The following INPP4B variants were observed in gnomAD, a reference collection of about 807,000 sequenced individuals.
INPP4B encodes the protein inositol polyphosphate-4-phosphatase type II B.
In INPP4B, 55 loss-of-function variants were observed where a neutral mutation model predicts 122.5. The observed-to-expected ratio is 0.45, with a 90% CI of 0.36 to 0.56. INPP4B has a LOEUF of 0.56. Ranked by LOEUF, INPP4B falls within the 20% of genes least tolerant of loss-of-function variation. The pLI, the probability that INPP4B is intolerant of heterozygous loss-of-function variation, is 0.00. For missense variants in INPP4B, 1,000 were observed against 1,097.7 expected (o/e 0.91, Z 1.26); for synonymous variants, 403 against 388.7 (o/e 1.04, Z -0.43).
intron 2 of INPP4B, among the ~76,000 whole-genome samples, chr4:142,464,591 T>C (rs559585496): frequency 8.1e-5 from 12 of 148,982 alleles, no homozygotes; most frequent in African/African-American, 2.5e-4. Context: ...AGACCCAGAG[T>C]TGCTTTTAAG....
intron 2 of INPP4B, among the ~76,000 whole-genome samples, chr4:142,519,922 T>C (rs1197387018): frequency 1.3e-5 from 2 of 152,098 alleles, no homozygotes; most frequent in Non-Finnish European, 2.9e-5. Context: ...TGTAATAGAA[T>C]TGATTAAAAA....
intron 25 of INPP4B, among the ~76,000 whole-genome samples, chr4:142,071,679 T>C (rs1238895924): frequency 3.2e-4 from 48 of 152,072 alleles, no homozygotes; most frequent in Admixed American, 3.0e-3. Context: ...GGGCAAAGGA[T>C]ATGAACAGAC....
intron 1 of INPP4B, among the ~76,000 whole-genome samples, chr4:142,842,156 T>C (rs946757065): frequency 6.6e-6 from 1 of 151,812 alleles, no homozygotes; most frequent in Non-Finnish European, 1.5e-5. Flanking sequence ...TTTAAACAAA[T>C]TACTGCCAAT....
At chr4:142,762,945 C>T (rs1771561257) in intron 1 of INPP4B, among the ~76,000 whole-genome samples, 1 of 152,120 alleles carries the variant, frequency 6.6e-6, no homozygotes, top group Non-Finnish European at 1.5e-5. Context: ...TTTTTGCCCT[C>T]CCACCTTCCA....
chr4:142,576,621 A>T (rs938759138), intron 2 of INPP4B, among the ~76,000 whole-genome samples: 1 of 152,026 alleles, frequency 6.6e-6, no homozygotes, highest in Non-Finnish European at 1.5e-5. Flanking sequence ...GGGGAAAAAA[A>T]GCACCAGTCA....
At chr4:142,217,786 C>T (rs949011298) in intron 12 of INPP4B, among the ~76,000 whole-genome samples, 3 of 152,196 alleles carry the variant, frequency 2.0e-5, no homozygotes, top group South Asian at 2.1e-4. Flanking sequence ...TAATTTGGGT[C>T]GGCCTAATTC....
intron 1 of INPP4B, among the ~76,000 whole-genome samples, chr4:142,801,358 G>A (rs28420913): frequency 0.39 from 59,605 of 152,022 alleles, 12,063 homozygotes; most frequent in South Asian, 0.48. Context: ...TAGAAAGGCA[G>A]TTAGGTTAAA....
At chr4:142,832,434 TA>T (rs1283405811) in intron 1 of INPP4B, among the ~76,000 whole-genome samples, 5 of 152,194 alleles carry the variant, frequency 3.3e-5, no homozygotes, top group Non-Finnish European at 5.9e-5. Flanking sequence ...CAGTCAGAGC[TA>T]AATAACCATT....
At chr4:142,394,119 C>T (rs1284459386) in intron 7 of INPP4B, among the ~76,000 whole-genome samples, 2 of 152,064 alleles carry the variant, frequency 1.3e-5, no homozygotes, top group East Asian at 1.9e-4. Context: ...TTCAAAAGTT[C>T]ACTTTTCTGT....
At chr4:142,762,123 T>C (rs1771433479) in intron 1 of INPP4B, among the ~76,000 whole-genome samples, 1 of 152,154 alleles carries the variant, frequency 6.6e-6, no homozygotes, top group Non-Finnish European at 1.5e-5. Flanking sequence ...AGGCTTTTTC[T>C]CGTTTCTTCA....
chr4:142,541,134 A>G (rs910794370), intron 2 of INPP4B, among the ~76,000 whole-genome samples: 5 of 152,224 alleles, frequency 3.3e-5, no homozygotes. Flanking sequence ...TATTGAGATT[A>G]TCTTAAACAG....
intron 2 of INPP4B, among the ~76,000 whole-genome samples, chr4:142,536,816 G>A (rs1303987488): frequency 6.6e-6 from 1 of 152,006 alleles, no homozygotes; most frequent in African/African-American, 2.4e-5. Context: ...TTTTCGAGAC[G>A]GAGTCTTACT....
intron 2 of INPP4B, among the ~76,000 whole-genome samples, chr4:142,475,457 C>A (rs931003433): frequency 8.6e-5 from 13 of 151,846 alleles, no homozygotes; most frequent in Admixed American, 3.3e-4. Context: ...TCTAAACAAC[C>A]ATACTACTTA....
At chr4:142,048,471 A>G (rs954753148) in intron 25 of INPP4B, among the ~76,000 whole-genome samples, 1 of 152,090 alleles carries the variant, frequency 6.6e-6, no homozygotes, top group Non-Finnish European at 1.5e-5. Context: ...AAGGATTTAC[A>G]TGGAAGGATG....
rs535432568 is a variant in INPP4B, at chr4:142,027,167, C to T, written c.*1615G>A. 3 of 152,192 alleles carry T rather than the reference C, an allele frequency of 2.0e-5. No individual in the cohort carries two copies. In the South Asian group the frequency reaches 6.2e-4, roughly 32 times the overall value. The allele number at this position is 152,192 out of a possible 1,614,324, so 9.4% of individuals were successfully genotyped here. A position where few individuals can be genotyped will look rare whatever the true frequency, so the allele number is the denominator to read the frequency against. On this transcript the variant is annotated 3_prime_UTR_variant, in exon 26 of 26. Coordinates refer to ENST00000262992, the MANE Select transcript of INPP4B (RefSeq NM_001101669.3). ...AAGGCTGTAAGTAGTTTGGTACCTGCCTCAAGTATAATGCCCACAGGTAAT... is the reference window on the plus strand; with the variant it reads ...AAGGCTGTAAGTAGTTTGGTACCTGTCTCAAGTATAATGCCCACAGGTAAT...
At chr4:142,222,484 C>T (rs2149718590) in intron 12 of INPP4B, among the ~76,000 whole-genome samples, 1 of 152,290 alleles carries the variant, frequency 6.6e-6, no homozygotes, top group East Asian at 1.9e-4. Flanking sequence ...TTGTTTTTCC[C>T]TCTACACTTT....
At chr4:142,413,553 T>C (rs948009071) in intron 5 of INPP4B, among the ~76,000 whole-genome samples, 6 of 152,174 alleles carry the variant, frequency 3.9e-5, no homozygotes, top group African/African-American at 1.2e-4. Context: ...TTAAAGATAA[T>C]ACATAAAACA....
intron 16 of INPP4B, among the ~76,000 whole-genome samples, chr4:142,168,777 G>T (rs1171537072): frequency 6.6e-6 from 1 of 151,562 alleles, no homozygotes. Flanking sequence ...CTCATTTACA[G>T]ATCTCCAGGG....
intron 17 of INPP4B, among the ~76,000 whole-genome samples, chr4:142,158,334 G>A (rs1033125783): frequency 1.3e-5 from 2 of 152,042 alleles, no homozygotes; most frequent in Middle Eastern, 3.2e-3. Flanking sequence ...GCTGCACTGC[G>A]ATTGCTATTT....
Sources: gnomAD v4.1 joint callset for allele counts (sites outside exome capture counted in the v4.1 genomes callset) on GRCh38, gnomAD v4.1.1 for gene constraint, MANE v1.5 for transcripts, NCBI Gene and HGNC (gene_info 2026-07-23, HGNC 2026-07-21) for gene names.